Variants in GABRG2 observed in about 807,000 individuals in gnomAD.
GABRG2 encodes gamma-aminobutyric acid type A receptor subunit gamma2, also known as gamma-aminobutyric acid receptor subunit gamma-2.
In GABRG2, 16 loss-of-function variants were observed where a neutral mutation model predicts 56.4. That is an observed-to-expected ratio of 0.28 (90% CI 0.19 to 0.43). The LOEUF (loss-of-function observed/expected upper bound fraction) is 0.43, where lower values mean the gene tolerates loss of function less well. Among genes scored for constraint, GABRG2 ranks in the 20% least tolerant of loss-of-function variants. GABRG2 has a pLI of 1.00. For missense variants in GABRG2, 327 were observed against 582.7 expected (o/e 0.56, Z 4.52); for synonymous variants, 208 against 205.5 (o/e 1.01, Z -0.10).
At chr5:162,115,638 G>A (rs2113450307) in intron 6 of GABRG2, among the ~76,000 whole-genome samples, 1 of 152,184 alleles carries the variant, frequency 6.6e-6, no homozygotes, top group South Asian at 2.1e-4. Context: ...GTAGGACAGT[G>A]GCTGTGACAT....
In GABRG2 at chr5:162,104,004, C is replaced by T. The variant is rs1761623949; in HGVS notation, c.747C>T (p.Thr249=). The T allele has an allele frequency of 1.9e-6, 3 of 1,613,844 alleles. No individual in the cohort carries two copies. Among genetic ancestry groups the T allele is most frequent in the Non-Finnish European group, 8.5e-7 (1 of 1,179,882 alleles). ...QFSFVGLRNT[T]EVVKTTSGDY... ...CATTTGTTGGTCTAAGAAATACCAC[C>T]GAAGTAGTGAAGACAACTTCCGGTA... The change falls in exon 6 of 10, where the codon ACC becomes ACT. Residue 249 remains threonine, a synonymous_variant. Transcript: ENST00000639213.
At chr5:162,152,861 C>G in intron 9 of GABRG2, 1 of 606,200 alleles carries the variant, frequency 1.6e-6, no homozygotes, top group Non-Finnish European at 2.9e-6. Context: ...CTTGCTATAG[C>G]TATTAGCTTG....
chr5:162,081,392 A>G (rs1232277252), intron 1 of GABRG2, among the ~76,000 whole-genome samples: 1 of 152,030 alleles, frequency 6.6e-6, no homozygotes, highest in Admixed American at 6.6e-5. Flanking sequence ...ATACATTTTA[A>G]CACATATATT....
intron 6 of GABRG2, among the ~76,000 whole-genome samples, chr5:162,112,637 T>C (rs367629032): frequency 2.0e-5 from 3 of 152,272 alleles, no homozygotes; most frequent in African/African-American, 7.2e-5. Flanking sequence ...ATAAGGAAAA[T>C]GTATTCTTTT....
chr5:162,101,338 A>G (rs368429259), intron 5 of GABRG2, 21 bp downstream of exon 5: 221 of 1,458,576 alleles, frequency 1.5e-4, no homozygotes, highest in Non-Finnish European at 2.0e-4. Context: ...TTCCTTCTCC[A>G]TTTGTATCCT....
At chr5:162,093,524 TA>T (rs750563926) in intron 1 of GABRG2, among the ~76,000 whole-genome samples, 31 of 152,126 alleles carry the variant, frequency 2.0e-4, no homozygotes, top group Admixed American at 1.2e-3. Context: ...AGTTTTCTTA[TA>T]ATTCCTTCAG....
At chr5:162,125,472 T>C (rs1431284705) in intron 6 of GABRG2, among the ~76,000 whole-genome samples, 1 of 143,952 alleles carries the variant, frequency 6.9e-6, no homozygotes, top group Non-Finnish European at 1.5e-5. Context: ...TCAACGCAAA[T>C]GTAGATAGCA....
chr5:162,091,842 CT>C (rs1760620131), intron 1 of GABRG2, among the ~76,000 whole-genome samples: 2 of 152,024 alleles, frequency 1.3e-5, no homozygotes, highest in African/African-American at 4.8e-5. Context: ...AACAAACAAA[CT>C]AAGCAATTTA....
chr5:162,077,003 A>G (rs1408428632), intron 1 of GABRG2, among the ~76,000 whole-genome samples: 1 of 151,968 alleles, frequency 6.6e-6, no homozygotes, highest in African/African-American at 2.4e-5. Context: ...GATTCAATAA[A>G]TTATTCAGAA....
intron 6 of GABRG2, among the ~76,000 whole-genome samples, chr5:162,107,727 T>G (rs1429571569): frequency 6.6e-6 from 1 of 152,228 alleles, no homozygotes; most frequent in Non-Finnish European, 1.5e-5. Context: ...GATTGTTCTA[T>G]ATCTGGTAGA....
chr5:162,101,378 G>A, intron 5 of GABRG2, 61 bp downstream of exon 5: 1 of 1,117,286 alleles, frequency 9.0e-7, no homozygotes, highest in South Asian at 1.2e-5. Flanking sequence ...TGATTGCCAT[G>A]TTAATTAATT....
chr5:162,117,484 A>G (rs1325236803), intron 6 of GABRG2, among the ~76,000 whole-genome samples: 1 of 152,116 alleles, frequency 6.6e-6, no homozygotes. Context: ...CCTGTGTAAG[A>G]GGAAGATATT....
chr5:162,076,743 G>A (rs1759146214), intron 1 of GABRG2, among the ~76,000 whole-genome samples: 1 of 152,222 alleles, frequency 6.6e-6, no homozygotes, highest in African/African-American at 2.4e-5. Flanking sequence ...AGTGGTTGTG[G>A]AATCTGGAGA....
rs372276223 is a variant in GABRG2 at position 162,068,665 on chromosome 5, T to G, written c.107+559T>G. Among the ~76,000 whole-genome samples the G allele has an allele frequency of 7.0e-4, 106 of 152,190 alleles. No homozygotes were observed. The South Asian group carries it at 0.021, about 31-fold the overall frequency. On this transcript the variant is annotated intron_variant, in intron 1 of 9. Transcript: ENST00000639213. Reference sequence around the variant, plus strand: ...TTGACCCAACAGCCAACTACCCGTGTGCAAACATGGTTCAGCACCAGGGAC... The same window carrying G: ...TTGACCCAACAGCCAACTACCCGTGGGCAAACATGGTTCAGCACCAGGGAC...
chr5:162,129,065 A>T (rs182692419), intron 6 of GABRG2, among the ~76,000 whole-genome samples: 44 of 152,028 alleles, frequency 2.9e-4, no homozygotes, highest in Admixed American at 4.6e-4. Context: ...TTTTAGAGAA[A>T]TAATTTTAGA....
chr5:162,086,003 T>G (rs1234974969), intron 1 of GABRG2, among the ~76,000 whole-genome samples: 1 of 151,966 alleles, frequency 6.6e-6, no homozygotes, highest in Non-Finnish European at 1.5e-5. Flanking sequence ...TTTAGGTTGA[T>G]TCCATGTCTT....
intron 6 of GABRG2, among the ~76,000 whole-genome samples, chr5:162,117,962 T>C (rs1009315930): frequency 1.1e-4 from 16 of 152,234 alleles, no homozygotes; most frequent in African/African-American, 3.6e-4. Context: ...TGTTACGCGC[T>C]TCACTAGAAC....
chr5:162,106,921 G>C (rs1761877029), intron 6 of GABRG2, among the ~76,000 whole-genome samples: 1 of 126,264 alleles, frequency 7.9e-6, no homozygotes, highest in African/African-American at 3.0e-5. Context: ...GTCTTGGGTG[G>C]GGGGTTGTTG....
In GABRG2 at chr5:162,093,838, C is replaced by G; in HGVS notation, c.118C>G (p.Gln40Glu). ...TATGTTTTTTCTTAGCTTCACTAGC[C>G]AGAAATCTGATGATGACTATGAAGA... ...LLSLYPGFTS[Q>E]KSDDDYEDYA... Residue 40 changes from glutamine to glutamate, a missense_variant, in exon 2 of 10, where the codon CAG becomes GAG. Coordinates refer to ENST00000639213, the MANE Select transcript of GABRG2 (RefSeq NM_198904.4). 6.2e-7 allele frequency: 1 copy of G among 1,612,872 alleles called. No individual in the cohort carries two copies. The highest frequency in any genetic ancestry group is 8.5e-7 in the Non-Finnish European group (1 of 1,179,326).
Sources: gnomAD v4.1 joint callset for allele counts (sites outside exome capture counted in the v4.1 genomes callset) on GRCh38, gnomAD v4.1.1 for gene constraint, MANE v1.5 for transcripts, NCBI Gene and HGNC (gene_info 2026-07-23, HGNC 2026-07-21) for gene names.